The following ZNF445 variants were observed in gnomAD, a reference collection of about 807,000 sequenced individuals.
The protein encoded by ZNF445 is zinc finger protein 445.
Under a neutral mutation model 93.9 loss-of-function variants are expected in ZNF445, and 19 were observed. The ratio of observed to expected loss-of-function variants is 0.20; its 90% confidence interval spans 0.14 to 0.30. The LOEUF (loss-of-function observed/expected upper bound fraction) is 0.30, where lower values mean the gene tolerates loss of function less well. Among genes scored for constraint, ZNF445 ranks in the 10% least tolerant of loss-of-function variants. The probability of loss-of-function intolerance (pLI) is 1.00; values close to 1 mark genes in which losing one functional copy is unlikely to be tolerated. For synonymous variants in ZNF445, 449 were observed against 446.3 expected, an observed-to-expected ratio of 1.01 and a Z score of -0.08; for missense variants, 1,058 against 1,259.4, an observed-to-expected ratio of 0.84 and a Z score of 2.42.
In ZNF445 at chr3:44,446,645, C is replaced by T; in HGVS notation, c.3026G>A (p.Ser1009Asn). ...CCACCTGAAGGTCTTTCCACACTTG[C>T]TGCATTTGAAGGGCCTCTCTCGAGT... ...FHTRERPFKCSKCGKTFRWSS... is the reference protein window; with the variant it reads ...FHTRERPFKCNKCGKTFRWSS... The change falls in exon 8 of 8, where the codon AGC becomes AAC. Residue 1009 changes from serine (S) to asparagine (N), a missense_variant. Ser to Asn is a conservative substitution (Grantham distance 46). This residue lies in a region of ZNF445 where 387 missense variants were observed against 475.7 expected (regional missense o/e 0.81). Coordinates refer to ENST00000396077, the MANE Select transcript of ZNF445 (RefSeq NM_181489.6). The surrounding 1 kb of genome is among the most constrained non-coding windows in gnomAD (Gnocchi z 4.2). The T allele has an allele frequency of 1.2e-6, 2 of 1,614,244 alleles. No individual in the cohort carries two copies. The highest frequency in any genetic ancestry group is 1.7e-6 in the Non-Finnish European group (2 of 1,180,048).
intron 1 of ZNF445, among the ~76,000 whole-genome samples, chr3:44,475,134 A>G (rs1184839085): frequency 1.3e-5 from 2 of 152,114 alleles, no homozygotes; most frequent in Admixed American, 6.5e-5. Flanking sequence ...TCTTACATTG[A>G]GAAGTTCCAG....
intron 4 of ZNF445, 117 bp downstream of exon 4, chr3:44,451,197 G>A (rs1245900532): frequency 7.5e-7 from 1 of 1,332,452 alleles, no homozygotes; most frequent in African/African-American, 1.5e-5. Flanking sequence ...AGGACAGAGA[G>A]CTAAGGGCCA....
intron 1 of ZNF445, among the ~76,000 whole-genome samples, chr3:44,474,705 T>C (rs1698319723): frequency 6.6e-6 from 1 of 152,204 alleles, no homozygotes; most frequent in African/African-American, 2.4e-5. Context: ...AAGTCTGCAG[T>C]TTAATTAATA....
At position 44,447,567 on chromosome 3, in the gene ZNF445, T is replaced by C. The variant is rs143182914; in HGVS notation, c.2104A>G (p.Ile702Val). Residue 702 changes from isoleucine (I) to valine (V), a missense_variant, in exon 8 of 8, where the codon ATT becomes GTT. By Grantham distance (29) the Ile-to-Val change is conservative (BLOSUM62 3). Coordinates refer to ENST00000396077, the MANE Select transcript of ZNF445 (RefSeq NM_181489.6). This position sits in a 1 kb window ranked among gnomAD's most constrained non-coding sequence, Gnocchi z 4.7. ...TGGTAAGGTTTCTCACCTGTGTGAATTCTCTGGTGGTCAACGAGAGTTTTC... is the reference window on the plus strand; with the variant it reads ...TGGTAAGGTTTCTCACCTGTGTGAACTCTCTGGTGGTCAACGAGAGTTTTC... Reference protein sequence around the residue: ...RKKTLVDHQRIHTGEKPYQCS... With the variant: ...RKKTLVDHQRVHTGEKPYQCS... 2,550 of 1,614,222 alleles carry C rather than the reference T, an allele frequency of 1.6e-3. 12 individuals are homozygous for C. The highest frequency in any genetic ancestry group is 0.01 in the East Asian group (450 of 44,888).
At chr3:44,461,523 G>A (rs774197903) in intron 1 of ZNF445, among the ~76,000 whole-genome samples, 3 of 152,152 alleles carry the variant, frequency 2.0e-5, no homozygotes, top group African/African-American at 2.4e-5. Context: ...GGTGACATTC[G>A]ATGAGCTCTA....
chr3:44,439,020 AAAC>A lies in ZNF445; in HGVS notation c.*7552_*7554del, dbSNP rs1430669280. On this transcript the variant is annotated 3_prime_UTR_variant, in exon 8 of 8. Transcript: ENST00000396077. ...TACCCTAAAAGTATAAAAAAAAAAA[AAAC>A]AAGGACTCCAGGCATGGTGGCTCAC... The A allele has an allele frequency of 4.6e-5, 7 of 151,162 alleles. No homozygotes were observed. The highest frequency in any genetic ancestry group is 7.3e-5 in the African/African-American group (3 of 41,104). 9.4% of individuals were successfully genotyped at this position (151,162 alleles called of 1,614,324 possible).
chr3:44,466,698 C>G (rs1281132874), intron 1 of ZNF445, among the ~76,000 whole-genome samples: 1 of 152,122 alleles, frequency 6.6e-6, no homozygotes, highest in African/African-American at 2.4e-5. Flanking sequence ...TAAAATTTAA[C>G]AGGTGCTCTT....
Position 44,432,265 on chromosome 3 carries a change from G to GTGTC in ZNF445, c.*14309_*14310insGACA, listed in dbSNP as rs1267744120. On this transcript the variant is annotated 3_prime_UTR_variant, in exon 8 of 8. Transcript: ENST00000396077. ...GGAACACATCTACACTCATTTGTGT[G>GTGTC]TGTGTGTCTGTGTGTGTGTGTGTGT... 8 of 126,482 alleles carry GTGTC rather than the reference G, an allele frequency of 6.3e-5. No homozygotes were observed. The highest frequency in any genetic ancestry group is 2.0e-4 in the African/African-American group (6 of 30,120). The allele number at this position is 126,482 out of a possible 1,614,324, so 7.8% of individuals were successfully genotyped here.
intron 1 of ZNF445, among the ~76,000 whole-genome samples, chr3:44,466,317 CTCTT>C (rs1698194341): frequency 6.6e-6 from 1 of 152,258 alleles, no homozygotes; most frequent in South Asian, 2.1e-4. Flanking sequence ...TAAATTATGT[CTCTT>C]TCTAACCTAA....
chr3:44,449,001 G>A (rs115853762), intron 7 of ZNF445, among the ~76,000 whole-genome samples: 97 of 152,312 alleles, frequency 6.4e-4, no homozygotes, highest in Middle Eastern at 3.4e-3. Context: ...AGAAGAAAGT[G>A]TTAAACAGCC....
chr3:44,464,235 T>C (rs889254862), intron 1 of ZNF445, among the ~76,000 whole-genome samples: 1 of 152,180 alleles, frequency 6.6e-6, no homozygotes. Flanking sequence ...AAAGGCACCC[T>C]TAATTTTGGG....
At chr3:44,453,740 TCTC>T (rs1697987592) in intron 3 of ZNF445, among the ~76,000 whole-genome samples, 1 of 152,154 alleles carries the variant, frequency 6.6e-6, no homozygotes, top group Non-Finnish European at 1.5e-5. Flanking sequence ...CAGCTGCTGC[TCTC>T]CTGCCAGGCC....
chr3:44,457,620 C>A (rs981403314), intron 2 of ZNF445, among the ~76,000 whole-genome samples: 1 of 152,114 alleles, frequency 6.6e-6, no homozygotes, highest in African/African-American at 2.4e-5. Context: ...GTAGTCTTCT[C>A]ACCAAATGTT....
Position 44,439,102 on chromosome 3 carries a change from G to T in ZNF445, c.*7473C>A, listed in dbSNP as rs1296736334. ...GAGGCAGGTGGGTCACTTGAGGTCA[G>T]GAGTTCAAGACCAGCTTGGGCAACA... On this transcript the variant is annotated 3_prime_UTR_variant, in exon 8 of 8. Coordinates refer to ENST00000396077, the MANE Select transcript of ZNF445 (RefSeq NM_181489.6). The T allele has an allele frequency of 6.6e-6, 1 of 151,896 alleles. No individual in the cohort carries two copies. The highest frequency in any genetic ancestry group is 1.5e-5 in the Non-Finnish European group (1 of 68,008). 9.4% of individuals were successfully genotyped at this position (151,896 alleles called of 1,614,324 possible).
rs889506652 is a variant in ZNF445 at position 44,439,235 on chromosome 3, G to A, written c.*7340C>T. 2.0e-5 allele frequency: 3 copies of A among 151,362 alleles called. No homozygotes were observed. The highest frequency in any genetic ancestry group is 4.9e-5 in the African/African-American group (2 of 41,154). The allele number at this position is 151,362 out of a possible 1,614,324, so 9.4% of individuals were successfully genotyped here. Reference sequence around the variant, plus strand: ...TGAGGCTGGAGAATCGCTTGAGCCTGGGAAAGTGGAGGTTGCAGTGAGCTG... The same window carrying A: ...TGAGGCTGGAGAATCGCTTGAGCCTAGGAAAGTGGAGGTTGCAGTGAGCTG... On this transcript the variant is annotated 3_prime_UTR_variant, in exon 8 of 8. Coordinates refer to ENST00000396077, the MANE Select transcript of ZNF445 (RefSeq NM_181489.6).
In ZNF445 at chr3:44,431,948, C is replaced by G. The variant is rs1697559215; in HGVS notation, c.*14627G>C. On this transcript the variant is annotated 3_prime_UTR_variant, in exon 8 of 8. Coordinates refer to ENST00000396077, the MANE Select transcript of ZNF445 (RefSeq NM_181489.6). ...TTTATTTTTTTGAGACAGGGTCGCTCTGTCTTCTGGGCACCATTTCAGCTC... is the reference window on the plus strand; with the variant it reads ...TTTATTTTTTTGAGACAGGGTCGCTGTGTCTTCTGGGCACCATTTCAGCTC... 6.6e-6 allele frequency: 1 copy of G among 152,044 alleles called. No individual in the cohort carries two copies. Among genetic ancestry groups the G allele is most frequent in the Admixed American group, 6.6e-5 (1 of 15,262 alleles). 9.4% of individuals were successfully genotyped at this position (152,044 alleles called of 1,614,324 possible). A position where few individuals can be genotyped will look rare whatever the true frequency, so the allele number is the denominator to read the frequency against.
chr3:44,457,846 CAAAAAATACAA>C (rs1324673172), intron 2 of ZNF445, among the ~76,000 whole-genome samples: 5 of 151,392 alleles, frequency 3.3e-5, no homozygotes, highest in African/African-American at 1.2e-4. Context: ...ACTAAAAATA[CAAAAAATACAA>C]AAAAAATTAG....
At chr3:44,458,029 A>T (rs1489319374) in intron 2 of ZNF445, among the ~76,000 whole-genome samples, 1 of 151,424 alleles carries the variant, frequency 6.6e-6, no homozygotes, top group Non-Finnish European at 1.5e-5. Context: ...AAAAAAAAAA[A>T]AAGGATCAGA....
At position 44,432,040 on chromosome 3, in the gene ZNF445, C is replaced by T. The variant is rs1697560933; in HGVS notation, c.*14535G>A. The stretch of plus-strand genomic sequence containing the variant: ...TTAGCCTCCCAGCTGGGATTACAGG[C>T]ATGAGCCACTGCACGTGGCTACATG... On this transcript the variant is annotated 3_prime_UTR_variant, in exon 8 of 8. Transcript: ENST00000396077. 6.6e-6 allele frequency: 1 copy of T among 152,176 alleles called. No homozygotes were observed. Among genetic ancestry groups the T allele is most frequent in the Non-Finnish European group, 1.5e-5 (1 of 68,046 alleles). 9.4% of individuals were successfully genotyped at this position (152,176 alleles called of 1,614,324 possible).
Sources: gnomAD v4.1 joint callset for allele counts (sites outside exome capture counted in the v4.1 genomes callset) on GRCh38, gnomAD v4.1.1 for gene constraint, gnomAD v4.1.1 regional missense constraint, Gnocchi (gnomAD v3.1) non-coding constraint, MANE v1.5 for transcripts, NCBI Gene and HGNC (gene_info 2026-07-23, HGNC 2026-07-21) for gene names.